FCER1A: variants seen among roughly 807,000 people sequenced by gnomAD.
FCER1A encodes the protein Fc epsilon receptor Ia.
FCER1A carries 24 observed loss-of-function variants against 23.6 expected under a neutral mutation model. The observed-to-expected ratio is 1.02, with a 90% CI of 0.74 to 1.43. FCER1A has a LOEUF of 1.43. FCER1A is among the 40% of genes most tolerant of loss of function. FCER1A has a pLI of 0.00. For missense variants in FCER1A, 318 were observed against 294.5 expected (o/e 1.08, Z -0.58); for synonymous variants, 121 against 108.8 (o/e 1.11, Z -0.70).
chr1:159,307,935 T>C lies in FCER1A; in HGVS notation c.*3T>C, dbSNP rs749193181. 2.5e-6 allele frequency: 4 copies of C among 1,576,090 alleles called. No individual in the cohort carries two copies. The highest frequency in any genetic ancestry group is 1.1e-5 in the South Asian group (1 of 87,044). On this transcript the variant is annotated 3_prime_UTR_variant, in exon 5 of 5. Transcript: ENST00000693622. ...AGCCAAACCCCAAAAACAACTGATA[T>C]AATTACTCAAGAAATATTTGCAACA...
intron 1 of FCER1A, among the ~76,000 whole-genome samples, chr1:159,293,738 G>T (rs1425562664): frequency 2.0e-5 from 3 of 151,592 alleles, no homozygotes; most frequent in Non-Finnish European, 4.4e-5. Context: ...ACTTTTTATG[G>T]CTGCATAGTA....
At chr1:159,303,573 C>T (rs1652501790) in intron 2 of FCER1A, among the ~76,000 whole-genome samples, 1 of 152,216 alleles carries the variant, frequency 6.6e-6, no homozygotes, top group South Asian at 2.1e-4. Flanking sequence ...AATGGTTGAA[C>T]ATGGCAGACA....
the FCER1A span, among the ~76,000 whole-genome samples, chr1:159,283,977 T>C: frequency 6.6e-6 from 1 of 152,198 alleles, no homozygotes; most frequent in South Asian, 2.1e-4. Context: ...TGTTTTCATT[T>C]GCCTACTGAC....
intron 1 of FCER1A, among the ~76,000 whole-genome samples, chr1:159,295,692 A>G (rs1338660487): frequency 6.6e-6 from 1 of 152,200 alleles, no homozygotes; most frequent in Non-Finnish European, 1.5e-5. Context: ...CAAAGGAAAA[A>G]GCTGTGATGA....
At chr1:159,303,195 A>T (rs780940704) in intron 2 of FCER1A, among the ~76,000 whole-genome samples, 5 of 152,108 alleles carry the variant, frequency 3.3e-5, no homozygotes, top group Non-Finnish European at 7.4e-5. Flanking sequence ...ATAATTGAGG[A>T]TGCTGAAACT....
intron 2 of FCER1A, among the ~76,000 whole-genome samples, chr1:159,303,149 G>A (rs561567292): frequency 4.9e-4 from 74 of 151,940 alleles, no homozygotes; most frequent in Admixed American, 3.0e-3. Flanking sequence ...GCATGATCTC[G>A]CTCAATAATT....
chr1:159,293,323 C>T (rs1244246257), intron 1 of FCER1A, among the ~76,000 whole-genome samples: 2 of 151,884 alleles, frequency 1.3e-5, no homozygotes, highest in African/African-American at 2.4e-5. Context: ...TCTCCAATCT[C>T]GTTTTATGCC....
chr1:159,288,512 G>A (rs1009936334), upstream of FCER1A, among the ~76,000 whole-genome samples: 12 of 152,158 alleles, frequency 7.9e-5, no homozygotes, highest in Non-Finnish European at 1.2e-4. Flanking sequence ...AGTGTGTAGT[G>A]TGCATCTGTC....
At chr1:159,305,141 T>G (rs1194549623) in intron 3 of FCER1A, among the ~76,000 whole-genome samples, 1 of 152,198 alleles carries the variant, frequency 6.6e-6, no homozygotes, top group African/African-American at 2.4e-5. Context: ...TGTTTCAACC[T>G]CCATATGTAA....
At chr1:159,294,221 A>G (rs1403728100) in intron 1 of FCER1A, among the ~76,000 whole-genome samples, 2 of 152,182 alleles carry the variant, frequency 1.3e-5, no homozygotes, top group African/African-American at 4.8e-5. Flanking sequence ...ATTACTGGGT[A>G]TATACGCAAA....
upstream of FCER1A, among the ~76,000 whole-genome samples, chr1:159,287,738 G>A (rs1397444976): frequency 6.8e-6 from 1 of 147,072 alleles, no homozygotes; most frequent in Non-Finnish European, 1.5e-5. Flanking sequence ...ATGTATATAG[G>A]CATATTTATA....
At chr1:159,295,503 C>T (rs1652274882) in intron 1 of FCER1A, among the ~76,000 whole-genome samples, 1 of 152,116 alleles carries the variant, frequency 6.6e-6, no homozygotes, top group Admixed American at 6.6e-5. Flanking sequence ...AAAAAACTTA[C>T]AAATTCCTAA....
At chr1:159,300,557 C>G (rs1652404632), upstream of FCER1A, among the ~76,000 whole-genome samples, 1 of 152,118 alleles carries the variant, frequency 6.6e-6, no homozygotes, top group Non-Finnish European at 1.5e-5. Context: ...TGATTATGCT[C>G]TCTTCTTTGT....
In FCER1A at chr1:159,306,174, C is replaced by A; in HGVS notation, c.518C>A (p.Thr173Asn). The A allele has an allele frequency of 6.2e-7, 1 of 1,613,666 alleles. No homozygotes were observed. The highest frequency in any genetic ancestry group is 8.5e-7 in the Non-Finnish European group (1 of 1,179,574). Residue 173 changes from threonine (T) to asparagine (N), a missense_variant, in exon 4 of 5, where the codon ACC becomes AAC. Transcript: ENST00000693622. The part of the protein sequence containing the change: ...ITNATVEDSG[T>N]YYCTGKVWQL... ...AATGCCACAGTTGAAGACAGTGGAA[C>A]CTACTACTGTACGGGCAAAGTGTGG...
At chr1:159,302,455 C>T (rs773244294) in intron 1 of FCER1A, 36 bp downstream of exon 1, 49 of 1,474,798 alleles carry the variant, frequency 3.3e-5, no homozygotes, top group Non-Finnish European at 4.2e-5. Context: ...CCAGGGAGGC[C>T]CAAATGAATT....
chr1:159,307,926 C>A lies in FCER1A; in HGVS notation c.768C>A (p.Asn256Lys), dbSNP rs755886643. Reference sequence around the variant, plus strand: ...CACATCCTAAGCCAAACCCCAAAAACAACTGATATAATTACTCAAGAAATA... The same window carrying A: ...CACATCCTAAGCCAAACCCCAAAAAAAACTGATATAATTACTCAAGAAATA... ...LNPHPKPNPK[N>K]N Residue 256 changes from asparagine (N) to lysine (K), a missense_variant, in exon 5 of 5, where the codon AAC (asparagine) becomes AAA (lysine). By Grantham distance (94) the Asn-to-Lys change is moderately conservative (BLOSUM62 0). Transcript: ENST00000693622. The A allele has an allele frequency of 1.9e-6, 3 of 1,587,350 alleles. No individual in the cohort carries two copies. Among genetic ancestry groups the A allele is most frequent in the Non-Finnish European group, 2.6e-6 (3 of 1,161,326 alleles).
At position 159,293,612 on chromosome 1, in the gene FCER1A, C is replaced by T. The variant is rs574355159; in HGVS notation, c.-60+3859C>T. Among the ~76,000 whole-genome samples the T allele has an allele frequency of 3.7e-3, 515 of 137,924 alleles. 1 individual carries two copies. Among genetic ancestry groups the T allele is most frequent in the Middle Eastern group, 7.8e-3 (2 of 258 alleles). 90.5% of individuals were successfully genotyped at this position (137,924 alleles called of 152,430 possible). ...CCTGTGTCCATGTGTTCTCATTGTTCAATTCCCATCTATGAGTGAGAATAT... is the reference window on the plus strand; with the variant it reads ...CCTGTGTCCATGTGTTCTCATTGTTTAATTCCCATCTATGAGTGAGAATAT... On this transcript the variant is annotated intron_variant, in intron 1 of 5. Transcript: ENST00000368115.
intron 2 of FCER1A, among the ~76,000 whole-genome samples, chr1:159,303,702 C>A (rs1652509412): frequency 6.6e-6 from 1 of 152,166 alleles, no homozygotes; most frequent in Non-Finnish European, 1.5e-5. Flanking sequence ...TTTTAAATCT[C>A]CTGCATATGT....
At chr1:159,293,344 T>TA (rs1244267387) in intron 1 of FCER1A, among the ~76,000 whole-genome samples, 1 of 152,078 alleles carries the variant, frequency 6.6e-6, no homozygotes, top group Admixed American at 6.6e-5. Context: ...ATTGGCCTTC[T>TA]ACTCGCTATG....
Sources: gnomAD v4.1 joint callset for allele counts (sites outside exome capture counted in the v4.1 genomes callset) on GRCh38, gnomAD v4.1.1 for gene constraint, MANE v1.5 for transcripts, NCBI Gene and HGNC (gene_info 2026-07-23, HGNC 2026-07-21) for gene names.